Variants in ZNF407 observed in about 807,000 individuals in gnomAD.
ZNF407 encodes the protein zinc finger protein 407.
Under a neutral mutation model 131.2 loss-of-function variants are expected in ZNF407, and 17 were observed. The ratio of observed to expected loss-of-function variants is 0.13; its 90% CI spans 0.09 to 0.19. ZNF407 has a LOEUF of 0.19. Among genes scored for constraint, ZNF407 ranks in the 10% least tolerant of loss-of-function variants. The pLI, the probability that ZNF407 is intolerant of heterozygous loss-of-function variation, is 1.00. For missense variants in ZNF407, 2,681 were observed against 2,830.6 expected, an observed-to-expected ratio of 0.95 and a Z score of 1.20; for synonymous variants, 1,156 against 1,062.0, an observed-to-expected ratio of 1.09 and a Z score of -1.72.
chr18:74,606,891 C>T (rs982846850), intron 1 of ZNF407, among the ~76,000 whole-genome samples: 2 of 152,158 alleles, frequency 1.3e-5, no homozygotes, highest in Admixed American at 1.3e-4. Context: ...ACTTATTTCA[C>T]TTTGATGAAA....
rs74533292 is a variant in ZNF407, at chr18:74,647,021, G to A, written c.4802+5899G>A. ...AAACTAAATATTATCATTTCTTGGTGTAGTAGTTGAAAACATTGGCTTCTG... is the reference window on the plus strand; with the variant it reads ...AAACTAAATATTATCATTTCTTGGTATAGTAGTTGAAAACATTGGCTTCTG... On this transcript the variant is annotated intron_variant, in intron 3 of 8. Transcript: ENST00000299687. 6.4e-3 allele frequency among the ~76,000 whole-genome samples: 973 copies of A among 152,266 alleles called. 12 individuals carry two copies. The highest frequency in any genetic ancestry group is 0.022 in the African/African-American group (914 of 41,570).
Position 74,938,092 on chromosome 18 carries a change from G to C in ZNF407, c.5428+17400G>C, listed in dbSNP as rs189514759. Among the ~76,000 whole-genome samples the C allele has an allele frequency of 1.4e-4, 22 of 152,240 alleles. No individual in the cohort carries two copies. The East Asian group carries it at 4.2e-3, about 29-fold the overall frequency. On this transcript the variant is annotated intron_variant, in intron 8 of 8. Coordinates refer to ENST00000299687, the MANE Select transcript of ZNF407 (RefSeq NM_017757.3). ...TTTTTTACCAATCCCAGCGCATTATGCTTATGAGCGGGCCCCATAAAATTC... is the reference window on the plus strand; with the variant it reads ...TTTTTTACCAATCCCAGCGCATTATCCTTATGAGCGGGCCCCATAAAATTC...
intron 1 of ZNF407, among the ~76,000 whole-genome samples, chr18:74,621,751 G>T (rs1164112060): frequency 6.6e-6 from 1 of 152,212 alleles, no homozygotes; most frequent in Non-Finnish European, 1.5e-5. Context: ...GGGGAATTGG[G>T]CTCCATCCTT....
At chr18:74,942,343 A>G (rs1170755544) in intron 8 of ZNF407, among the ~76,000 whole-genome samples, 2 of 152,124 alleles carry the variant, frequency 1.3e-5, no homozygotes, top group African/African-American at 4.8e-5. Context: ...GCAAGATTTT[A>G]TATTTCTTCT....
intron 7 of ZNF407, among the ~76,000 whole-genome samples, chr18:74,919,143 G>T (rs200571229): frequency 1.3e-5 from 2 of 152,096 alleles, no homozygotes; most frequent in Non-Finnish European, 2.9e-5. Context: ...ATTCTGCCTC[G>T]CTTGGACGAT....
chr18:74,680,887 T>C (rs1966967837), intron 3 of ZNF407, among the ~76,000 whole-genome samples: 1 of 152,226 alleles, frequency 6.6e-6, no homozygotes, highest in Admixed American at 6.5e-5. Flanking sequence ...GTGCTCACCC[T>C]TTTAAATGAT....
chr18:74,824,783 T>A (rs535800673), intron 4 of ZNF407, among the ~76,000 whole-genome samples: 2 of 152,190 alleles, frequency 1.3e-5, no homozygotes, highest in Admixed American at 1.3e-4. Flanking sequence ...CTACCAGAGG[T>A]ACCAAGAAGA....
chr18:74,718,870 A>C (rs899344732), intron 3 of ZNF407, among the ~76,000 whole-genome samples: 1 of 152,034 alleles, frequency 6.6e-6, no homozygotes, highest in African/African-American at 2.4e-5. Context: ...TCTTATCTTT[A>C]TGCCTTTAAT....
At chr18:74,878,206 T>C (rs1281413416) in intron 5 of ZNF407, among the ~76,000 whole-genome samples, 5 of 152,188 alleles carry the variant, frequency 3.3e-5, no homozygotes, top group Non-Finnish European at 7.4e-5. Flanking sequence ...CCCTAGAGCA[T>C]TGTGGCCATA....
At chr18:74,728,119 A>C (rs1968203724) in intron 3 of ZNF407, among the ~76,000 whole-genome samples, 1 of 152,180 alleles carries the variant, frequency 6.6e-6, no homozygotes, top group African/African-American at 2.4e-5. Flanking sequence ...ATTAGAAAAA[A>C]CTGCAGGATT....
At chr18:74,883,961 A>G (rs1971273240) in intron 6 of ZNF407, among the ~76,000 whole-genome samples, 1 of 152,198 alleles carries the variant, frequency 6.6e-6, no homozygotes, top group African/African-American at 2.4e-5. Flanking sequence ...GCACATGTAC[A>G]GGTAGCCCTG....
chr18:74,676,635 C>T (rs867880110), intron 3 of ZNF407, among the ~76,000 whole-genome samples: 107 of 151,858 alleles, frequency 7.0e-4, no homozygotes, highest in Middle Eastern at 3.4e-3. Flanking sequence ...GGGGTTTCAC[C>T]GTGTTAGCCA....
chr18:74,961,490 C>T (rs368195629), intron 8 of ZNF407, among the ~76,000 whole-genome samples: 31 of 151,972 alleles, frequency 2.0e-4, no homozygotes, highest in East Asian at 1.9e-3. Flanking sequence ...AGGCCAAGGC[C>T]GGGGGATCAC....
chr18:74,685,264 A>ATT (rs1369842898), intron 3 of ZNF407, among the ~76,000 whole-genome samples: 2 of 152,186 alleles, frequency 1.3e-5, no homozygotes, highest in Non-Finnish European at 2.9e-5. Context: ...GGAATTCAGA[A>ATT]TTGATATAAA....
chr18:74,797,511 A>G (rs1969942198), intron 4 of ZNF407, among the ~76,000 whole-genome samples: 1 of 152,190 alleles, frequency 6.6e-6, no homozygotes, highest in African/African-American at 2.4e-5. Flanking sequence ...TTATAATGTG[A>G]CACATCTGGT....
Position 74,893,177 on chromosome 18 carries a change from G to A in ZNF407, c.5249+3139G>A, listed in dbSNP as rs371666802. Among the ~76,000 whole-genome samples the A allele has an allele frequency of 7.2e-5, 11 of 152,094 alleles. 1 individual carries two copies. The East Asian group carries it at 7.7e-4, about 11-fold the overall frequency. On this transcript the variant is annotated intron_variant, in intron 7 of 8. Transcript: ENST00000299687. ...TCCCATCCATGTTATACCTCTGTCA[G>A]GTACTACATTTAAGAGGATGGTGTT... is the stretch of plus-strand genomic sequence containing the variant.
chr18:74,851,519 AC>A (rs759049974), intron 4 of ZNF407, among the ~76,000 whole-genome samples: 2 of 152,156 alleles, frequency 1.3e-5, no homozygotes, highest in Non-Finnish European at 2.9e-5. Context: ...CCTGAATGTG[AC>A]CCAGGCACAA....
At chr18:74,841,523 T>A (rs778790819) in intron 4 of ZNF407, among the ~76,000 whole-genome samples, 7 of 152,164 alleles carry the variant, frequency 4.6e-5, no homozygotes, top group Non-Finnish European at 1.0e-4. Flanking sequence ...GCTATGTGAG[T>A]GTGTGATTTA....
chr18:74,744,094 G>A (rs1040766053), intron 3 of ZNF407, among the ~76,000 whole-genome samples: 15 of 151,932 alleles, frequency 9.9e-5, no homozygotes, highest in Non-Finnish European at 2.1e-4. Context: ...TTTGAACTTC[G>A]GCCTCAAACA....
Sources: allele counts gnomAD v4.1 joint callset (sites outside exome capture counted in the v4.1 genomes callset), GRCh38; gene constraint gnomAD v4.1.1; transcripts MANE v1.5; gene names NCBI Gene and HGNC (gene_info 2026-07-23, HGNC 2026-07-21).